The following LRRFIP2 variants were observed in gnomAD, a reference collection of about 807,000 sequenced individuals.
The protein encoded by LRRFIP2 is leucine-rich repeat flightless-interacting protein 2.
A neutral mutation model predicts 125.9 loss-of-function variants in LRRFIP2; 109 were observed. The observed-to-expected ratio is 0.87, with a 90% CI of 0.74 to 1.01. LRRFIP2 has a LOEUF of 1.01. Among genes scored for constraint, LRRFIP2 ranks in the 50% least tolerant of loss-of-function variants. LRRFIP2 has a pLI of 0.00. For synonymous variants in LRRFIP2, 291 were observed against 293.1 expected (o/e 0.99, Z 0.07); for missense variants, 850 against 862.3 (o/e 0.99, Z 0.18).
intron 6 of LRRFIP2, among the ~76,000 whole-genome samples, chr3:37,120,188 C>T (rs946282588): frequency 1.4e-5 from 2 of 148,058 alleles, no homozygotes; most frequent in Non-Finnish European, 3.0e-5. Context: ...CTCACGGCAA[C>T]CTCCGCCTTC....
intron 21 of LRRFIP2, among the ~76,000 whole-genome samples, chr3:37,071,018 A>T (rs1279348129): frequency 6.6e-6 from 1 of 152,240 alleles, no homozygotes; most frequent in Non-Finnish European, 1.5e-5. Flanking sequence ...GCAAAAATTT[A>T]AATCAAATCA....
chr3:37,156,502 G>A (rs1249983661), intron 1 of LRRFIP2, among the ~76,000 whole-genome samples: 7 of 150,194 alleles, frequency 4.7e-5, no homozygotes, highest in Admixed American at 1.3e-4. Flanking sequence ...TGAAACCCCC[G>A]TCTCTACTAA....
chr3:37,136,662 A>G (rs956550493), intron 2 of LRRFIP2, among the ~76,000 whole-genome samples: 12 of 149,168 alleles, frequency 8.0e-5, no homozygotes, highest in Non-Finnish European at 1.4e-4. Flanking sequence ...ATCTCAAAGA[A>G]GAGGATAGAA....
chr3:37,141,281 T>TC (rs1446022535), intron 2 of LRRFIP2, among the ~76,000 whole-genome samples: 2 of 152,170 alleles, frequency 1.3e-5, no homozygotes. Flanking sequence ...CTTTAATGGC[T>TC]CCCCACAGCT....
intron 23 of LRRFIP2, chr3:37,064,007 C>G (rs139574331): frequency 4.0e-6 from 2 of 503,092 alleles, no homozygotes; most frequent in Non-Finnish European, 7.1e-6. Flanking sequence ...ATCAGGGCAC[C>G]AAATCCAACA....
chr3:37,066,476 G>A, intron 21 of LRRFIP2, 151 bp from the exon 22 acceptor site: 1 of 657,222 alleles, frequency 1.5e-6, no homozygotes, highest in Non-Finnish European at 2.8e-6. Context: ...TCAGATATGG[G>A]AGGAAATACA....
intron 24 of LRRFIP2, among the ~76,000 whole-genome samples, chr3:37,062,611 G>T (rs571839503): frequency 1.3e-5 from 2 of 152,116 alleles, no homozygotes; most frequent in African/African-American, 4.8e-5. Flanking sequence ...AATCAGAAAA[G>T]ATCAGAACTC....
rs374468414 is a variant in LRRFIP2, at chr3:37,156,209, G to T, written c.-55-7171C>A. On this transcript the variant is annotated intron_variant, in intron 1 of 27. Transcript: ENST00000336686. ...AATTTTTTATCATCAGCCAAGCATG[G>T]TGGCTCACACCTGTAATCCCAGCAC... is the stretch of plus-strand genomic sequence containing the variant. Among the ~76,000 whole-genome samples the T allele has an allele frequency of 4.6e-5, 7 of 152,254 alleles. No individual in the cohort carries two copies. The South Asian group carries it at 1.4e-3, about 32-fold the overall frequency.
intron 19 of LRRFIP2, 77 bp from the exon 20 acceptor site, chr3:37,075,193 G>A (rs758919875): frequency 2.2e-5 from 20 of 894,542 alleles, no homozygotes; most frequent in Non-Finnish European, 1.8e-5. Flanking sequence ...ACAACACAGA[G>A]GTTAAGTATG....
rs148335036 is a variant in LRRFIP2, at chr3:37,109,129, G to T, written c.609+398C>A. Among the ~76,000 whole-genome samples the T allele has an allele frequency of 7.9e-5, 12 of 152,222 alleles. No homozygotes were observed. In the East Asian group the frequency reaches 2.3e-3, roughly 29 times the overall value. Reference sequence around the variant, plus strand: ...AAATTCACAGCTCACACATTACACAGAGCTACTGCTTTTACTTTTCTAGTC... The same window carrying T: ...AAATTCACAGCTCACACATTACACATAGCTACTGCTTTTACTTTTCTAGTC... On this transcript the variant is annotated intron_variant, in intron 11 of 27. Coordinates refer to ENST00000336686, the MANE Select transcript of LRRFIP2 (RefSeq NM_006309.4).
upstream of LRRFIP2, chr3:37,176,058 A>G (rs2096659350): frequency 6.6e-6 from 1 of 151,902 alleles, no homozygotes; most frequent in African/African-American, 2.4e-5. Context: ...AGCGGCCCTT[A>G]CCTGTGTTAG....
In LRRFIP2 at chr3:37,053,006, G is replaced by C. The variant is rs1479974992; in HGVS notation, c.*845C>G. 6.6e-6 allele frequency: 1 copy of C among 152,548 alleles called. No homozygotes were observed. The highest frequency in any genetic ancestry group is 1.5e-5 in the Non-Finnish European group (1 of 68,038). The allele number at this position is 152,548 out of a possible 1,614,324, so 9.4% of individuals were successfully genotyped here. On this transcript the variant is annotated 3_prime_UTR_variant, in exon 28 of 28. Coordinates refer to ENST00000336686, the MANE Select transcript of LRRFIP2 (RefSeq NM_006309.4). The stretch of plus-strand genomic sequence containing the variant: ...AAAATGAACATGTCAGTAGCCAATT[G>C]TGGTTGGCAAAAGGGTGTATTTAAT...
Position 37,052,848 on chromosome 3 carries a change from C to G in LRRFIP2, c.*1003G>C, listed in dbSNP as rs1299036350. Reference sequence around the variant, plus strand: ...TTGCACTCCATGATTTTAAAAAAACCTCTTGGACAGGGTACCTCTAAAGGT... The same window carrying G: ...TTGCACTCCATGATTTTAAAAAAACGTCTTGGACAGGGTACCTCTAAAGGT... On this transcript the variant is annotated 3_prime_UTR_variant, in exon 28 of 28. Transcript: ENST00000336686. The G allele has an allele frequency of 6.6e-6, 1 of 152,214 alleles. No homozygotes were observed. The highest frequency in any genetic ancestry group is 6.5e-5 in the Admixed American group (1 of 15,298). 9.4% of individuals were successfully genotyped at this position (152,214 alleles called of 1,614,324 possible). A position where few individuals can be genotyped will look rare whatever the true frequency, so the allele number is the denominator to read the frequency against.
At chr3:37,127,479 TG>T in intron 4 of LRRFIP2, 150 bp downstream of exon 4, 1 of 731,058 alleles carries the variant, frequency 1.4e-6, no homozygotes, top group Non-Finnish European at 2.4e-6. Flanking sequence ...AGTATACCTC[TG>T]GTCCACTATA....
intron 14 of LRRFIP2, among the ~76,000 whole-genome samples, chr3:37,104,323 A>G (rs1258997202): frequency 6.6e-6 from 1 of 152,218 alleles, no homozygotes; most frequent in Non-Finnish European, 1.5e-5. Flanking sequence ...ATACAAGCCC[A>G]AGCATCATTA....
intron 1 of LRRFIP2, among the ~76,000 whole-genome samples, chr3:37,161,472 C>T (rs568398836): frequency 6.6e-6 from 1 of 152,228 alleles, no homozygotes; most frequent in South Asian, 2.1e-4. Flanking sequence ...TATTGAATAA[C>T]TTCATTTATG....
rs1172384408 is a variant in LRRFIP2 at position 37,058,693 on chromosome 3, A to G, written c.1870+97T>C. ...CCCATCTCAAAAAAAAAAAAAAAAG[A>G]AAAGTGTATTACAAGATACCAGCAA... On this transcript the variant is annotated intron_variant, in intron 25 of 27. Coordinates refer to ENST00000336686, the MANE Select transcript of LRRFIP2 (RefSeq NM_006309.4). 6 of 1,282,556 alleles carry G rather than the reference A, an allele frequency of 4.7e-6. No homozygotes were observed. In the African/African-American group the frequency reaches 7.6e-5, roughly 16 times the overall value. 79.4% of individuals were successfully genotyped at this position (1,282,556 alleles called of 1,614,324 possible).
chr3:37,062,914 T>A (rs371248132), intron 24 of LRRFIP2, among the ~76,000 whole-genome samples: 81 of 152,152 alleles, frequency 5.3e-4, no homozygotes, highest in African/African-American at 1.7e-3. Flanking sequence ...CTAAATCACA[T>A]GCAAAGAAAA....
intron 10 of LRRFIP2, 28 bp from the exon 11 acceptor site, chr3:37,109,599 CA>C (rs1449999922): frequency 1.2e-6 from 2 of 1,613,644 alleles, no homozygotes; most frequent in Non-Finnish European, 1.7e-6. Flanking sequence ...TATTAAACCC[CA>C]AAAAAAGCAA....
Sources: allele counts gnomAD v4.1 joint callset (sites outside exome capture counted in the v4.1 genomes callset), GRCh38; gene constraint gnomAD v4.1.1; transcripts MANE v1.5; gene names NCBI Gene and HGNC (gene_info 2026-07-23, HGNC 2026-07-21).